Variants in IL1RAPL1 observed in about 807,000 individuals in gnomAD.
IL1RAPL1 encodes the protein interleukin 1 receptor accessory protein like 1.
Under a neutral mutation model 48.4 loss-of-function variants are expected in IL1RAPL1, and 3 were observed. The observed-to-expected ratio is 0.06, with a 90% CI of 0.03 to 0.16. The LOEUF is 0.16. IL1RAPL1 is among the 10% of genes least tolerant of loss of function. The pLI, the probability that IL1RAPL1 is intolerant of heterozygous loss-of-function variation, is 1.00. For synonymous variants in IL1RAPL1, 185 were observed against 187.7 expected, an observed-to-expected ratio of 0.99 and a Z score of 0.12; for missense variants, 349 against 530.6, an observed-to-expected ratio of 0.66 and a Z score of 3.36.
At chrX:28,831,024 CTCTGTGTGTGTGTGTGTG>C (rs1337421578) in intron 2 of IL1RAPL1, among the ~76,000 whole-genome samples, 5 of 59,228 alleles carry the variant, frequency 8.4e-5, no homozygotes, top group East Asian at 7.3e-4. Flanking sequence ...CTCTCTCTCT[CTCTGTGTGTGTGTGTGTG>C]TGTGTGTGTG....
At chrX:29,543,913 G>C in intron 5 of IL1RAPL1, among the ~76,000 whole-genome samples, 1 of 111,435 alleles carries the variant, frequency 9.0e-6, no homozygotes, top group East Asian at 2.8e-4. Flanking sequence ...AAAGGAAACA[G>C]AAGAGTCCAA....
chrX:29,471,684 A>T (rs1306478222), intron 5 of IL1RAPL1, among the ~76,000 whole-genome samples: 1 of 111,281 alleles, frequency 9.0e-6, no homozygotes, highest in Non-Finnish European at 1.9e-5. Flanking sequence ...TTTCTTTCAC[A>T]TATCCATTAG....
At chrX:28,825,637 A>G (rs1179854014) in intron 2 of IL1RAPL1, among the ~76,000 whole-genome samples, 3 of 111,423 alleles carry the variant, frequency 2.7e-5, no homozygotes, top group Non-Finnish European at 5.7e-5. Flanking sequence ...ATTGGAAAGC[A>G]TACACCTGCA....
intron 5 of IL1RAPL1, among the ~76,000 whole-genome samples, chrX:29,444,458 C>A (rs1039111519): frequency 5.4e-5 from 6 of 110,529 alleles, no homozygotes; most frequent in African/African-American, 2.0e-4. Flanking sequence ...GCTGTAATCC[C>A]AGCACTTTGG....
chrX:28,646,985 G>A (rs767606032), intron 1 of IL1RAPL1, among the ~76,000 whole-genome samples: 2 of 111,717 alleles, frequency 1.8e-5, no homozygotes, highest in African/African-American at 3.3e-5. Flanking sequence ...GACTGTGATA[G>A]CTCCACAGTA....
At chrX:28,638,471 T>C (rs748338320) in intron 1 of IL1RAPL1, among the ~76,000 whole-genome samples, 31 of 110,656 alleles carry the variant, frequency 2.8e-4, no homozygotes, top group Non-Finnish European at 5.5e-4. Context: ...ACTTACTTCC[T>C]TATTAGGTTC....
intron 2 of IL1RAPL1, among the ~76,000 whole-genome samples, chrX:28,883,981 T>C: frequency 1.8e-5 from 2 of 111,477 alleles, no homozygotes; most frequent in Admixed American, 9.6e-5. Context: ...ATCTAAATGA[T>C]GCAAGACATG....
chrX:29,643,657 T>C (rs1377613445), intron 5 of IL1RAPL1, among the ~76,000 whole-genome samples: 4 of 111,654 alleles, frequency 3.6e-5, no homozygotes, highest in Non-Finnish European at 7.5e-5. Context: ...TGGAGATGCC[T>C]ATTTGATCGT....
At chrX:28,715,945 A>C (rs1352099236) in intron 1 of IL1RAPL1, among the ~76,000 whole-genome samples, 1 of 112,200 alleles carries the variant, frequency 8.9e-6, no homozygotes, top group Non-Finnish European at 1.9e-5. Context: ...AAATACTGGC[A>C]AACTGAATCC....
chrX:29,769,533 T>C (rs1277566985), intron 6 of IL1RAPL1, among the ~76,000 whole-genome samples: 1 of 91,310 alleles, frequency 1.1e-5, no homozygotes, highest in Non-Finnish European at 2.1e-5. Context: ...AACTTCTGCC[T>C]CCCGGGTTCC....
chrX:29,662,665 C>G (rs1294890710), intron 5 of IL1RAPL1, among the ~76,000 whole-genome samples: 4 of 112,230 alleles, frequency 3.6e-5, no homozygotes, highest in Non-Finnish European at 7.5e-5. Flanking sequence ...AGTATCAAAG[C>G]TAGCCAAATG....
intron 6 of IL1RAPL1, among the ~76,000 whole-genome samples, chrX:29,706,579 C>T (rs1927202975): frequency 9.0e-6 from 1 of 111,717 alleles, no homozygotes; most frequent in African/African-American, 3.3e-5. Flanking sequence ...TCTTAAAGCC[C>T]CAAAATGATC....
intron 2 of IL1RAPL1, among the ~76,000 whole-genome samples, chrX:28,808,768 G>A (rs756694209): frequency 9.0e-6 from 1 of 110,838 alleles, no homozygotes; most frequent in South Asian, 3.7e-4. Context: ...GCCAAAAGAG[G>A]TTACGTTACT....
At chrX:29,545,193 ATCT>A (rs1921581321) in intron 5 of IL1RAPL1, among the ~76,000 whole-genome samples, 3 of 93,062 alleles carry the variant, frequency 3.2e-5, no homozygotes, top group Admixed American at 1.1e-4. Flanking sequence ...CTATCTATCT[ATCT>A]ATCTATCTAT....
At chrX:29,144,329 G>A (rs1929302432) in intron 2 of IL1RAPL1, among the ~76,000 whole-genome samples, 1 of 110,542 alleles carries the variant, frequency 9.0e-6, no homozygotes, top group Non-Finnish European at 1.9e-5. Context: ...TTGGCTGGGT[G>A]CGGTGGCTCA....
intron 5 of IL1RAPL1, among the ~76,000 whole-genome samples, chrX:29,650,188 A>G (rs1006420056): frequency 1.8e-5 from 2 of 111,915 alleles, no homozygotes; most frequent in African/African-American, 6.5e-5. Context: ...TACTGTTACA[A>G]TGTCCATACT....
At chrX:29,742,229 T>G (rs747572144) in intron 6 of IL1RAPL1, among the ~76,000 whole-genome samples, 1 of 111,875 alleles carries the variant, frequency 8.9e-6, no homozygotes, top group East Asian at 2.8e-4. Flanking sequence ...GATAAGACAG[T>G]GCCTCTGACC....
Position 29,174,081 on chromosome X carries a change from T to C in IL1RAPL1, c.83-108857T>C, listed in dbSNP as rs752926385. ...GATTACAGGCATGAGCCAGCCACCA[T>C]GCCCTGCGAATTTTGTATTTCTGGT... On this transcript the variant is annotated intron_variant, in intron 2 of 10. Coordinates refer to ENST00000378993, the MANE Select transcript of IL1RAPL1 (RefSeq NM_014271.4). Among the ~76,000 whole-genome samples, 10 of 110,172 alleles carry C rather than the reference T, an allele frequency of 9.1e-5. No homozygotes were observed. The East Asian group carries it at 2.9e-3, about 32-fold the overall frequency.
intron 8 of IL1RAPL1, among the ~76,000 whole-genome samples, chrX:29,923,660 G>GTCTT (rs920997894): frequency 1.8e-5 from 2 of 112,286 alleles, no homozygotes; most frequent in African/African-American, 6.5e-5. Context: ...CCACATCTGA[G>GTCTT]TCTTTGAATC....
Sources: gnomAD v4.1 joint callset for allele counts (sites outside exome capture counted in the v4.1 genomes callset) on GRCh38, gnomAD v4.1.1 for gene constraint, MANE v1.5 for transcripts, NCBI Gene and HGNC (gene_info 2026-07-23, HGNC 2026-07-21) for gene names.